SLIT2: variants seen among roughly 807,000 people sequenced by gnomAD.
SLIT2 encodes slit homolog 2 protein.
Under a neutral mutation model 185.7 loss-of-function variants are expected in SLIT2, and 41 were observed. The observed-to-expected ratio is 0.22, with a 90% CI of 0.17 to 0.29. The LOEUF (loss-of-function observed/expected upper bound fraction) is 0.29, where lower values mean the gene tolerates loss of function less well. Ranked by LOEUF, SLIT2 falls within the 10% of genes least tolerant of loss-of-function variation. The pLI is 1.00. For missense variants in SLIT2, 1,571 were observed against 1,909.0 expected (o/e 0.82, Z 3.30); for synonymous variants, 693 against 680.2 (o/e 1.02, Z -0.29).
At chr4:20,561,539 C>T (rs1724692140) in intron 26 of SLIT2, among the ~76,000 whole-genome samples, 2 of 151,580 alleles carry the variant, frequency 1.3e-5, no homozygotes, top group Admixed American at 6.6e-5. Flanking sequence ...CAACCTAAAG[C>T]AATGAAAAAT....
At chr4:20,563,724 C>G (rs1176791314) in intron 26 of SLIT2, among the ~76,000 whole-genome samples, 1 of 151,740 alleles carries the variant, frequency 6.6e-6, no homozygotes, top group African/African-American at 2.4e-5. Context: ...TTTGGACAAA[C>G]AAGAAAATGA....
chr4:20,453,670 A>T (rs1001096914), intron 4 of SLIT2, among the ~76,000 whole-genome samples: 1 of 152,216 alleles, frequency 6.6e-6, no homozygotes. Flanking sequence ...TGAAATTCTT[A>T]TATAATTAAA....
chr4:20,354,637 C>T (rs542107647), intron 4 of SLIT2, among the ~76,000 whole-genome samples: 1 of 152,044 alleles, frequency 6.6e-6, no homozygotes, highest in East Asian at 1.9e-4. Flanking sequence ...TAAAAACTGA[C>T]TATATTTTTG....
chr4:20,289,228 T>C (rs905467218), intron 4 of SLIT2, among the ~76,000 whole-genome samples: 10 of 152,208 alleles, frequency 6.6e-5, no homozygotes, highest in Non-Finnish European at 4.4e-5. Context: ...TTTTTAATTT[T>C]TGTGAATAAA....
rs947176682 is a variant in SLIT2 at position 20,598,311 on chromosome 4, A to C, written c.3608A>C (p.Lys1203Thr). 2 of 1,613,980 alleles carry C rather than the reference A, an allele frequency of 1.2e-6. No individual in the cohort carries two copies. Among genetic ancestry groups the C allele is most frequent in the Non-Finnish European group, 1.7e-6 (2 of 1,179,996 alleles). ...GGAATCCTCCTGTATAAGGGTGACAAAGACCATATCGCGGTAGAACTCTAT... is the reference window on the plus strand; with the variant it reads ...GGAATCCTCCTGTATAAGGGTGACACAGACCATATCGCGGTAGAACTCTAT... Reference protein sequence around the residue: ...DSGILLYKGDKDHIAVELYRG... With the variant: ...DSGILLYKGDTDHIAVELYRG... Residue 1203 changes from lysine (K) to threonine (T), a missense_variant, in exon 33 of 37, where the codon AAA becomes ACA. Physicochemically the swap from Lys to Thr is moderately conservative, Grantham distance 78. Around this residue, in one of 3 missense-constraint regions of SLIT2, gnomAD observed 146 missense variants for 247.4 expected, o/e 0.59. Transcript: ENST00000504154.
At position 20,528,619 on chromosome 4, in the gene SLIT2, G is replaced by GA. The variant is rs907727293; in HGVS notation, c.1463-322dup. 1.3e-5 allele frequency among the ~76,000 whole-genome samples: 2 copies of GA among 151,658 alleles called. No homozygotes were observed. The highest frequency in any genetic ancestry group is 2.9e-5 in the Non-Finnish European group (2 of 67,928). The stretch of plus-strand genomic sequence containing the variant: ...ATATATTTTCAATTCTTGACTCCGA[G>GA]AAAAAAAATAAACTTTTTAATAATT... On this transcript the variant is annotated intron_variant, in intron 15 of 36. Transcript: ENST00000504154. This position sits in a 1 kb window ranked among gnomAD's most constrained non-coding sequence, Gnocchi z 4.2.
chr4:20,501,975 T>C (rs963167506), intron 9 of SLIT2, among the ~76,000 whole-genome samples: 5 of 152,206 alleles, frequency 3.3e-5, no homozygotes, highest in African/African-American at 1.2e-4. Flanking sequence ...TTTATATTTT[T>C]TTTTTGCAAC....
At chr4:20,570,725 ATATATG>A (rs1484469389) in intron 29 of SLIT2, among the ~76,000 whole-genome samples, 1,932 of 45,032 alleles carry the variant, frequency 0.043, 47 homozygotes, top group African/African-American at 0.12. Context: ...ATATATATAT[ATATATG>A]TATATATATA....
chr4:20,608,756 A>T (rs1302269864), intron 33 of SLIT2, among the ~76,000 whole-genome samples: 1 of 152,148 alleles, frequency 6.6e-6, no homozygotes, highest in East Asian at 1.9e-4. Context: ...ATGTTAATGC[A>T]TTTTTCTATC....
chr4:20,456,061 A>G (rs1207363188), intron 4 of SLIT2, among the ~76,000 whole-genome samples: 1 of 152,118 alleles, frequency 6.6e-6, no homozygotes, highest in African/African-American at 2.4e-5. Flanking sequence ...CATCGACATG[A>G]AAAACCTGGG....
At chr4:20,563,085 T>A (rs1724827104) in intron 26 of SLIT2, among the ~76,000 whole-genome samples, 1 of 151,756 alleles carries the variant, frequency 6.6e-6, no homozygotes, top group Non-Finnish European at 1.5e-5. Context: ...GTCCAACAGT[T>A]CTTCCATTAA....
At position 20,620,448 on chromosome 4, in the gene SLIT2, T is replaced by G. The variant is rs533479293; in HGVS notation, c.*1439T>G. ...GATGTTTCTTCCTGAAAACTTCTTT[T>G]TTTACAAAGAAAATTAGATGTACAT... is the stretch of plus-strand genomic sequence containing the variant. On this transcript the variant is annotated 3_prime_UTR_variant, in exon 37 of 37. Transcript: ENST00000504154. 2.6e-5 allele frequency: 12 copies of G among 454,046 alleles called. No homozygotes were observed. In the East Asian group the frequency reaches 7.6e-4, roughly 29 times the overall value. 28.1% of individuals were successfully genotyped at this position (454,046 alleles called of 1,614,324 possible). A position where few individuals can be genotyped will look rare whatever the true frequency, so the allele number is the denominator to read the frequency against.
At chr4:20,500,909 T>C (rs1560479185) in intron 9 of SLIT2, among the ~76,000 whole-genome samples, 1 of 152,146 alleles carries the variant, frequency 6.6e-6, no homozygotes, top group Non-Finnish European at 1.5e-5. Context: ...CTCTATCAAA[T>C]ACAACTTGCC....
intron 26 of SLIT2, among the ~76,000 whole-genome samples, chr4:20,560,220 A>G (rs993084416): frequency 1.3e-5 from 2 of 152,036 alleles, no homozygotes; most frequent in African/African-American, 2.4e-5. Flanking sequence ...ATTTCAAAAT[A>G]TAGCAGGAAG....
Position 20,253,492 on chromosome 4 carries a change from C to T in SLIT2, c.-324C>T. On this transcript the variant is annotated 5_prime_UTR_variant, in exon 1 of 37. Coordinates refer to ENST00000504154, the MANE Select transcript of SLIT2 (RefSeq NM_004787.4). ...GCCCCAGCTCTTTTACCGCCAAGTT[C>T]ATCCTTGGGAGACAGAAGACGCGTG... 2.8e-6 allele frequency: 1 copy of T among 351,312 alleles called. No individual in the cohort carries two copies. The highest frequency in any genetic ancestry group is 5.2e-6 in the Non-Finnish European group (1 of 192,178). 21.8% of individuals were successfully genotyped at this position (351,312 alleles called of 1,614,324 possible). A position where few individuals can be genotyped will look rare whatever the true frequency, so the allele number is the denominator to read the frequency against.
intron 4 of SLIT2, among the ~76,000 whole-genome samples, chr4:20,274,432 T>A (rs879319407): frequency 1.3e-5 from 2 of 152,178 alleles, no homozygotes; most frequent in Non-Finnish European, 2.9e-5. Context: ...CCACTTGTCA[T>A]GAAAGAAAGA....
At chr4:20,469,268 A>G (rs1375677320) in intron 5 of SLIT2, among the ~76,000 whole-genome samples, 2 of 152,120 alleles carry the variant, frequency 1.3e-5, no homozygotes, top group African/African-American at 2.4e-5. Flanking sequence ...GCAGTTGACC[A>G]TCCCTTAGTA....
At chr4:20,555,970 C>A (rs1295784028) in intron 26 of SLIT2, among the ~76,000 whole-genome samples, 1 of 151,876 alleles carries the variant, frequency 6.6e-6, no homozygotes, top group Admixed American at 6.6e-5. Context: ...TTCCTGCCAC[C>A]AAAAGGCTGT....
intron 4 of SLIT2, among the ~76,000 whole-genome samples, chr4:20,424,987 A>G (rs1728441445): frequency 6.6e-6 from 1 of 152,142 alleles, no homozygotes; most frequent in South Asian, 2.1e-4. Flanking sequence ...TTGATTGATA[A>G]GGCATAATTT....
Sources: gnomAD v4.1 joint callset for allele counts (sites outside exome capture counted in the v4.1 genomes callset) on GRCh38, gnomAD v4.1.1 for gene constraint, gnomAD v4.1.1 regional missense constraint, Gnocchi (gnomAD v3.1) non-coding constraint, MANE v1.5 for transcripts, NCBI Gene and HGNC (gene_info 2026-07-23, HGNC 2026-07-21) for gene names.